Variants in DISP3 observed in about 807,000 individuals in gnomAD.
DISP3 encodes dispatched RND transporter family member 3.
In DISP3, 101 loss-of-function variants were observed where a neutral mutation model predicts 135.3. The ratio of observed to expected loss-of-function variants is 0.75; its 90% confidence interval spans 0.64 to 0.88. DISP3 has a LOEUF of 0.88. Ranked by LOEUF, DISP3 falls within the 40% of genes least tolerant of loss-of-function variation. The pLI is 0.00. For missense variants in DISP3, 1,713 were observed against 1,878.6 expected (o/e 0.91, Z 1.63); for synonymous variants, 856 against 817.0 (o/e 1.05, Z -0.81).
intron 1 of DISP3, among the ~76,000 whole-genome samples, chr1:11,498,220 G>A (rs763540952): frequency 2.0e-5 from 3 of 152,248 alleles, no homozygotes; most frequent in Admixed American, 6.5e-5. Context: ...CCGCGGGTCA[G>A]GACAGGGCAC....
chr1:11,513,667 C>G (rs955531824), intron 3 of DISP3, among the ~76,000 whole-genome samples: 1 of 152,186 alleles, frequency 6.6e-6, no homozygotes, highest in African/African-American at 2.4e-5. Context: ...TAGTTTTCAT[C>G]AAGTTTGGAA....
At chr1:11,528,459 A>G (rs1472256646) in intron 13 of DISP3, among the ~76,000 whole-genome samples, 1 of 152,220 alleles carries the variant, frequency 6.6e-6, no homozygotes, top group East Asian at 1.9e-4. Flanking sequence ...GTGGGCTTCA[A>G]CTGTGCTGGC....
intron 1 of DISP3, among the ~76,000 whole-genome samples, chr1:11,494,413 C>T (rs915151371): frequency 6.6e-6 from 1 of 152,170 alleles, no homozygotes; most frequent in African/African-American, 2.4e-5. Flanking sequence ...ATCTCCAGTG[C>T]CTCTCCAGCC....
intron 6 of DISP3, among the ~76,000 whole-genome samples, 173 bp from the exon 7 acceptor site, chr1:11,517,290 T>G (rs1042645268): frequency 1.3e-5 from 2 of 152,196 alleles, no homozygotes; most frequent in Non-Finnish European, 2.9e-5. Flanking sequence ...AGCCCTTGGC[T>G]CCTGGTGTCC....
chr1:11,526,561 C>T (rs865811766), intron 12 of DISP3, 90 bp from the exon 13 acceptor site: 1 of 1,408,056 alleles, frequency 7.1e-7, no homozygotes, highest in Non-Finnish European at 9.9e-7. Flanking sequence ...TGAACTATGC[C>T]GAGGAGGGAG....
intron 10 of DISP3, among the ~76,000 whole-genome samples, chr1:11,522,911 C>A (rs1642282046): frequency 7.3e-6 from 1 of 136,576 alleles, no homozygotes; most frequent in African/African-American, 2.8e-5. Context: ...AGAGCCCAGC[C>A]AGGACCCAGC....
intron 15 of DISP3, 77 bp from the exon 16 acceptor site, chr1:11,530,830 G>T: frequency 6.3e-7 from 1 of 1,577,888 alleles, no homozygotes; most frequent in Non-Finnish European, 8.7e-7. Flanking sequence ...TTCTGCCCCA[G>T]GGTTGGGGGT....
intron 7 of DISP3, among the ~76,000 whole-genome samples, chr1:11,518,658 C>A (rs1028703085): frequency 4.6e-5 from 7 of 152,226 alleles, no homozygotes; most frequent in Non-Finnish European, 8.8e-5. Flanking sequence ...CAAGCCCAGC[C>A]TCCTCCCTCG....
At chr1:11,534,984 G>A (rs777070967) in intron 18 of DISP3, 27 bp from the exon 19 acceptor site, 22 of 1,544,184 alleles carry the variant, frequency 1.4e-5, no homozygotes, top group African/African-American at 8.1e-5. Flanking sequence ...ACACAGCAGC[G>A]CACTGAGGCC....
At position 11,535,526 on chromosome 1, in the gene DISP3, T is replaced by TG; in HGVS notation, c.3703dup (p.Ala1235GlyfsTer149). ...ATCATGTACTGGAGCGGCTGGGAGA[T>TG]GGGGGCTGTGGAAGCCATCTCCCTG... On this transcript the variant is annotated frameshift_variant, in exon 20 of 21. Transcript: ENST00000294484. LOFTEE classifies it high-confidence loss of function. 1 of 1,612,932 alleles carries TG rather than the reference T, an allele frequency of 6.2e-7. No homozygotes were observed. Among genetic ancestry groups the TG allele is most frequent in the Non-Finnish European group, 8.5e-7 (1 of 1,179,834 alleles).
chr1:11,503,571 G>T lies in DISP3; in HGVS notation c.1316+674G>T, dbSNP rs1389667426. ...CAGGAGAAGAGTGTCCCAGCTCCAG[G>T]GGGGAAAGAGAGAGAGGAAATCACC... On this transcript the variant is annotated intron_variant, in intron 3 of 20. Coordinates refer to ENST00000294484, the MANE Select transcript of DISP3 (RefSeq NM_020780.2). 2.0e-5 allele frequency among the ~76,000 whole-genome samples: 3 copies of T among 152,040 alleles called. 1 individual carries two copies. Among genetic ancestry groups the T allele is most frequent in the East Asian group, 3.9e-4 (2 of 5,174 alleles).
At chr1:11,489,585 C>A (rs745989493) in intron 1 of DISP3, among the ~76,000 whole-genome samples, 1 of 152,214 alleles carries the variant, frequency 6.6e-6, no homozygotes, top group Non-Finnish European at 1.5e-5. Context: ...CAGCATCCAG[C>A]CCCCCTTGCT....
At chr1:11,528,918 G>T (rs1260570837) in intron 13 of DISP3, among the ~76,000 whole-genome samples, 1 of 152,218 alleles carries the variant, frequency 6.6e-6, no homozygotes, top group Non-Finnish European at 1.5e-5. Flanking sequence ...CCACCCACTG[G>T]GTCCCTTCCA....
rs200764535 is a variant in DISP3 at position 11,529,799 on chromosome 1, G to A, written c.2942G>A (p.Arg981His). The A allele has an allele frequency of 6.0e-5, 97 of 1,613,516 alleles. No individual in the cohort carries two copies. Among genetic ancestry groups the A allele is most frequent in the East Asian group, 1.8e-4 (8 of 44,878 alleles). Reference protein sequence around the residue: ...FVPSEKVPKARLSATFGFNPC... With the variant: ...FVPSEKVPKAHLSATFGFNPC... ...TCCCTGTTCGCAGTGCCCAAGGCCCGTCTCTCAGCCACCTTCGGCTTCAAC... is the reference window on the plus strand; with the variant it reads ...TCCCTGTTCGCAGTGCCCAAGGCCCATCTCTCAGCCACCTTCGGCTTCAAC... Residue 981 changes from arginine to histidine, a missense_variant, in exon 15 of 21, where the codon CGT becomes CAT. Physicochemically the swap from Arg to His is conservative, Grantham distance 29. Coordinates refer to ENST00000294484, the MANE Select transcript of DISP3 (RefSeq NM_020780.2). This position sits in a 1 kb window ranked among gnomAD's most constrained non-coding sequence, Gnocchi z 4.7.
intron 18 of DISP3, chr1:11,534,794 C>T: frequency 2.6e-6 from 2 of 757,672 alleles, no homozygotes; most frequent in South Asian, 3.0e-5. Context: ...ATGGCAGCTG[C>T]CAGTTACCAG....
rs376590206 is a variant in DISP3, at chr1:11,517,436, C to T, written c.1750-27C>T. 64 of 1,612,196 alleles carry T rather than the reference C, an allele frequency of 4.0e-5. 1 individual carries two copies. Among genetic ancestry groups the T allele is most frequent in the Middle Eastern group, 1.6e-4 (1 of 6,078 alleles). On this transcript the variant is annotated intron_variant, in intron 6 of 20. Transcript: ENST00000294484. ...CTGACTGCAGGTCCAACCTGTCCCA[C>T]ATCCCTCTCTTCCTTTCCATCACCA...
Position 11,514,509 on chromosome 1 carries a change from T to G in DISP3, c.1436T>G (p.Ile479Ser), listed in dbSNP as rs1428752448. The change falls in exon 4 of 21, where the codon ATC (isoleucine) becomes AGC (serine). Residue 479 changes from isoleucine (I) to serine (S), a missense_variant. Transcript: ENST00000294484. ...AGCTGCATTGCTGCCCTGGTCTACA[T>G]CCTCACCTCCTGCTCAGGTAGGGCT... ...SSSCIAALVY[I>S]LTSCSVFLSF... The G allele has an allele frequency of 6.2e-7, 1 of 1,614,006 alleles. No individual in the cohort carries two copies. Among genetic ancestry groups the G allele is most frequent in the Non-Finnish European group, 8.5e-7 (1 of 1,179,926 alleles).
In DISP3 at chr1:11,537,330, G is replaced by A. The variant is rs1642735785; in HGVS notation, c.*644G>A. 6.6e-6 allele frequency: 1 copy of A among 152,478 alleles called. No homozygotes were observed. Among genetic ancestry groups the A allele is most frequent in the South Asian group, 2.1e-4 (1 of 4,826 alleles). 9.4% of individuals were successfully genotyped at this position (152,478 alleles called of 1,614,324 possible). On this transcript the variant is annotated 3_prime_UTR_variant, in exon 21 of 21. Transcript: ENST00000294484. ...GAGAAGACAGAAGGACCCGGCTTGG[G>A]CTTCTGCATGTCCTACCCCTGACCC... is the stretch of plus-strand genomic sequence containing the variant.
Position 11,531,074 on chromosome 1 carries a change from G to A in DISP3, c.3229+41G>A, listed in dbSNP as rs1457273886. 6.2e-7 allele frequency: 1 copy of A among 1,608,216 alleles called. No individual in the cohort carries two copies. The highest frequency in any genetic ancestry group is 8.5e-7 in the Non-Finnish European group (1 of 1,179,120). On this transcript the variant is annotated intron_variant, in intron 16 of 20. Coordinates refer to ENST00000294484, the MANE Select transcript of DISP3 (RefSeq NM_020780.2). This position sits in a 1 kb window ranked among gnomAD's most constrained non-coding sequence, Gnocchi z 5.2. ...GGAGCTGGTTCCTCCGAGGGAGGAT[G>A]GACTGACTGGGGAGGCACAGAGGCC...
Sources: allele counts gnomAD v4.1 joint callset (sites outside exome capture counted in the v4.1 genomes callset), GRCh38; gene constraint gnomAD v4.1.1; non-coding constraint Gnocchi (gnomAD v3.1); transcripts MANE v1.5; gene names NCBI Gene and HGNC (gene_info 2026-07-23, HGNC 2026-07-21).